Variants in KCTD8 observed in about 807,000 individuals in gnomAD.
KCTD8 encodes potassium channel tetramerization domain containing 8.
Under a neutral mutation model 31.5 loss-of-function variants are expected in KCTD8, and 27 were observed. The ratio of observed to expected loss-of-function variants is 0.86; its 90% confidence interval spans 0.63 to 1.18. The LOEUF (loss-of-function observed/expected upper bound fraction) is 1.18, where lower values mean the gene tolerates loss of function less well. KCTD8 is among the 50% of genes most tolerant of loss of function. The pLI, the probability that KCTD8 is intolerant of heterozygous loss-of-function variation, is 0.00. For synonymous variants in KCTD8, 290 were observed against 280.0 expected (o/e 1.04, Z -0.36); for missense variants, 658 against 647.7 (o/e 1.02, Z -0.17).
At chr4:44,405,580 T>C (rs964667947) in intron 1 of KCTD8, among the ~76,000 whole-genome samples, 1 of 152,008 alleles carries the variant, frequency 6.6e-6, no homozygotes, top group African/African-American at 2.4e-5. Flanking sequence ...GCCAGGTCTT[T>C]AGAATCACAG....
rs192902801 is a variant in KCTD8 at position 44,416,302 on chromosome 4, G to A, written c.961+31261C>T. ...GTTTTGATTTTACAGGCACAGAGGT[G>A]GATGGAGATAAGTCTCAGATAAGAG... On this transcript the variant is annotated intron_variant, in intron 1 of 1. Transcript: ENST00000360029. Among the ~76,000 whole-genome samples the A allele has an allele frequency of 2.1e-4, 32 of 152,262 alleles. 2 individuals are homozygous for A. The East Asian group carries it at 6.0e-3, about 28-fold the overall frequency.
At chr4:44,242,976 C>A (rs1715549062) in intron 1 of KCTD8, among the ~76,000 whole-genome samples, 1 of 152,208 alleles carries the variant, frequency 6.6e-6, no homozygotes, top group Non-Finnish European at 1.5e-5. Flanking sequence ...CCAACTAAAT[C>A]TCTTTTCCTT....
intron 1 of KCTD8, among the ~76,000 whole-genome samples, chr4:44,332,785 T>C (rs1029650708): frequency 2.0e-5 from 3 of 152,038 alleles, no homozygotes; most frequent in Non-Finnish European, 4.4e-5. Context: ...ATTTTTATAG[T>C]ACCATATATC....
At chr4:44,343,811 G>A (rs1346753772) in intron 1 of KCTD8, among the ~76,000 whole-genome samples, 1 of 152,076 alleles carries the variant, frequency 6.6e-6, no homozygotes, top group Non-Finnish European at 1.5e-5. Flanking sequence ...TCTACTACCT[G>A]AAAATTAACT....
intron 1 of KCTD8, among the ~76,000 whole-genome samples, chr4:44,378,032 T>C (rs1331235890): frequency 6.6e-6 from 1 of 151,814 alleles, no homozygotes; most frequent in Non-Finnish European, 1.5e-5. Flanking sequence ...GTAAAGTTAA[T>C]TTTTTTATTA....
chr4:44,246,035 TATA>T (rs767292173), intron 1 of KCTD8, among the ~76,000 whole-genome samples: 71 of 152,122 alleles, frequency 4.7e-4, no homozygotes, highest in Middle Eastern at 6.8e-3. Context: ...GAAAAAATAA[TATA>T]ATGTCTGACC....
chr4:44,235,525 T>TATATATATA (rs1715250791), intron 1 of KCTD8, among the ~76,000 whole-genome samples: 1 of 55,064 alleles, frequency 1.8e-5, no homozygotes, highest in Non-Finnish European at 3.8e-5. Flanking sequence ...AGACACTGGA[T>TATATATATA]TATATATATA....
intron 1 of KCTD8, among the ~76,000 whole-genome samples, chr4:44,358,567 C>CTTT (rs113573085): frequency 1.4e-5 from 2 of 147,588 alleles, no homozygotes; most frequent in Non-Finnish European, 1.5e-5. Context: ...TGTTTCCTGA[C>CTTT]TTTTTTTTTT....
intron 1 of KCTD8, among the ~76,000 whole-genome samples, chr4:44,421,511 G>A (rs1397909397): frequency 2.0e-5 from 3 of 152,124 alleles, no homozygotes; most frequent in African/African-American, 7.2e-5. Flanking sequence ...AACCCTAGGT[G>A]ATGCTGAGGC....
At chr4:44,382,052 G>A (rs4438795) in intron 1 of KCTD8, among the ~76,000 whole-genome samples, 11,343 of 152,012 alleles carry the variant, frequency 0.075, 539 homozygotes, top group East Asian at 0.19. Flanking sequence ...TAGGTACCCC[G>A]AACAGGAGCA....
chr4:44,191,295 TG>T (rs1459785364), intron 1 of KCTD8, among the ~76,000 whole-genome samples: 1 of 152,228 alleles, frequency 6.6e-6, no homozygotes, highest in Non-Finnish European at 1.5e-5. Flanking sequence ...GACCCTGTGA[TG>T]ATTGTGTTAA....
intron 1 of KCTD8, among the ~76,000 whole-genome samples, chr4:44,373,609 T>TA (rs1207785395): frequency 1.3e-5 from 2 of 152,086 alleles, no homozygotes; most frequent in African/African-American, 4.8e-5. Context: ...ATTATACAAG[T>TA]TTAGTTGTTT....
At chr4:44,291,035 A>G (rs1000022713) in intron 1 of KCTD8, among the ~76,000 whole-genome samples, 10 of 152,208 alleles carry the variant, frequency 6.6e-5, no homozygotes, top group African/African-American at 2.4e-4. Context: ...TTGGTTTTTC[A>G]AAAGAATAGA....
At chr4:44,345,549 T>C (rs565497706) in intron 1 of KCTD8, among the ~76,000 whole-genome samples, 4 of 152,298 alleles carry the variant, frequency 2.6e-5, no homozygotes, top group Admixed American at 1.3e-4. Flanking sequence ...TAATTTATCA[T>C]GTAGCATTCA....
At chr4:44,426,002 T>A (rs1721335931) in intron 1 of KCTD8, among the ~76,000 whole-genome samples, 1 of 151,312 alleles carries the variant, frequency 6.6e-6, no homozygotes, top group Admixed American at 6.6e-5. Flanking sequence ...AAATTAGCGA[T>A]AAATAACAAG....
At chr4:44,199,284 A>G (rs1309206596) in intron 1 of KCTD8, among the ~76,000 whole-genome samples, 1 of 152,056 alleles carries the variant, frequency 6.6e-6, no homozygotes, top group African/African-American at 2.4e-5. Flanking sequence ...TACACTTGAC[A>G]CTCAACCATT....
chr4:44,225,922 G>A (rs1185429170), intron 1 of KCTD8, among the ~76,000 whole-genome samples: 6 of 146,058 alleles, frequency 4.1e-5, no homozygotes, highest in Admixed American at 3.5e-4. Flanking sequence ...CCAGGTTCAC[G>A]CCATTCTCCT....
chr4:44,444,263 T>A (rs1326483871), intron 1 of KCTD8, among the ~76,000 whole-genome samples: 1 of 152,204 alleles, frequency 6.6e-6, no homozygotes, highest in African/African-American at 2.4e-5. Flanking sequence ...TTCTTGGCCC[T>A]GAATCGGAAA....
At chr4:44,227,577 C>A (rs970018370) in intron 1 of KCTD8, among the ~76,000 whole-genome samples, 4 of 152,166 alleles carry the variant, frequency 2.6e-5, no homozygotes, top group Non-Finnish European at 5.9e-5. Flanking sequence ...TGGTGAAACC[C>A]ACCTACTAAA....
Sources: gnomAD v4.1 joint callset for allele counts (sites outside exome capture counted in the v4.1 genomes callset) on GRCh38, gnomAD v4.1.1 for gene constraint, MANE v1.5 for transcripts, NCBI Gene and HGNC (gene_info 2026-07-23, HGNC 2026-07-21) for gene names.